MED15: variants seen among roughly 807,000 people sequenced by gnomAD.
The protein encoded by MED15 is mediator of RNA polymerase II transcription subunit 15.
In MED15, 41 loss-of-function variants were observed where a neutral mutation model predicts 118.7. That is an observed-to-expected ratio of 0.35 (90% CI 0.27 to 0.45). The LOEUF is 0.45. Ranked by LOEUF, MED15 falls within the 20% of genes least tolerant of loss-of-function variation. The pLI is 1.00. For missense variants in MED15, 740 were observed against 1,025.5 expected (o/e 0.72, Z 3.80); for synonymous variants, 436 against 413.9 (o/e 1.05, Z -0.65).
chr22:20,528,208 C>T (rs566492602), intron 1 of MED15, among the ~76,000 whole-genome samples: 11 of 152,254 alleles, frequency 7.2e-5, no homozygotes, highest in African/African-American at 2.4e-4. Context: ...GCCTAGGAGT[C>T]TCTTCCAGCA....
intron 1 of MED15, chr22:20,508,241 AC>A: frequency 7.9e-7 from 1 of 1,271,298 alleles, no homozygotes; most frequent in Non-Finnish European, 1.0e-6. Flanking sequence ...TCTGAGGGTG[AC>A]CCCCCGAAGG....
intron 8 of MED15, among the ~76,000 whole-genome samples, chr22:20,570,469 G>T (rs1245722901): frequency 6.8e-6 from 1 of 147,666 alleles, no homozygotes; most frequent in East Asian, 2.0e-4. Context: ...TCGGCTCACT[G>T]CAACTTCTGC....
chr22:20,551,757 C>T, intron 3 of MED15: 1 of 515,984 alleles, frequency 1.9e-6, no homozygotes, highest in Admixed American at 3.4e-5. Context: ...CACTTGCTCA[C>T]TTAATCTCCC....
At position 20,586,520 on chromosome 22, in the gene MED15, G is replaced by A. The variant is rs201837596; in HGVS notation, c.2231-48G>A. On this transcript the variant is annotated intron_variant, in intron 17 of 17. Coordinates refer to ENST00000263205, the MANE Select transcript of MED15 (RefSeq NM_001003891.3). ...GAGCACTGCCGGGTGTGCCAGGAGC[G>A]AGCGCAGCGCCGGCCGCCTTAGGTT... 118 of 1,595,810 alleles carry A rather than the reference G, an allele frequency of 7.4e-5. No individual in the cohort carries two copies. In the East Asian group the frequency reaches 2.0e-3, roughly 28 times the overall value.
At chr22:20,575,889 G>A (rs2056810164) in intron 9 of MED15, among the ~76,000 whole-genome samples, 1 of 152,186 alleles carries the variant, frequency 6.6e-6, no homozygotes, top group African/African-American at 2.4e-5. Context: ...TGCTGCAGTG[G>A]ACAGCACAGA....
intron 5 of MED15, among the ~76,000 whole-genome samples, chr22:20,556,242 A>G (rs1668606044): frequency 6.6e-6 from 1 of 152,124 alleles, no homozygotes; most frequent in Non-Finnish European, 1.5e-5. Context: ...GTCAAAACCA[A>G]GAAATTAATG....
chr22:20,552,261 G>A (rs1421597482), intron 3 of MED15, among the ~76,000 whole-genome samples: 1 of 152,232 alleles, frequency 6.6e-6, no homozygotes, highest in African/African-American at 2.4e-5. Context: ...GTTGGAGCAT[G>A]TGCCTGGCGA....
intron 2 of MED15, among the ~76,000 whole-genome samples, chr22:20,548,208 CT>C (rs1189734611): frequency 6.6e-6 from 1 of 152,096 alleles, no homozygotes; most frequent in Non-Finnish European, 1.5e-5. Context: ...GTTGCCCAGG[CT>C]GGAGTGCAGT....
At chr22:20,584,521 G>A (rs2057077686) in intron 14 of MED15, 96 bp downstream of exon 14, 2 of 1,419,134 alleles carry the variant, frequency 1.4e-6, no homozygotes, top group South Asian at 1.2e-5. Flanking sequence ...GGGCATCTGG[G>A]CGGGGGCCGG....
chr22:20,582,555 T>G (rs2057019045), intron 9 of MED15, 56 bp from the exon 10 acceptor site: 1 of 1,534,912 alleles, frequency 6.5e-7, no homozygotes, highest in African/African-American at 1.4e-5. Flanking sequence ...GCAGGTGGTG[T>G]GGAGGCAGGC....
chr22:20,517,623 C>T (rs1367277152), intron 1 of MED15, among the ~76,000 whole-genome samples: 5 of 152,120 alleles, frequency 3.3e-5, no homozygotes, highest in Non-Finnish European at 1.5e-5. Context: ...AGTCTGAACT[C>T]GTCAGGGCAG....
At chr22:20,541,337 CCAA>C (rs2055301171) in intron 2 of MED15, among the ~76,000 whole-genome samples, 1 of 152,038 alleles carries the variant, frequency 6.6e-6, no homozygotes, top group Non-Finnish European at 1.5e-5. Flanking sequence ...ATACAAATGG[CCAA>C]CAACCATGTG....
intron 8 of MED15, among the ~76,000 whole-genome samples, chr22:20,570,760 T>C (rs1260643091): frequency 2.6e-5 from 3 of 117,198 alleles, no homozygotes; most frequent in Admixed American, 8.5e-5. Flanking sequence ...TTTTTTTTTT[T>C]TTTTTTTTTT....
intron 1 of MED15, among the ~76,000 whole-genome samples, chr22:20,510,694 C>G (rs1317754214): frequency 6.6e-6 from 1 of 152,182 alleles, no homozygotes; most frequent in African/African-American, 2.4e-5. Context: ...TTATGTGTCT[C>G]CCTCCAGCGA....
At chr22:20,511,779 T>C (rs566279746) in intron 1 of MED15, among the ~76,000 whole-genome samples, 69 of 152,210 alleles carry the variant, frequency 4.5e-4, no homozygotes, top group African/African-American at 1.6e-3. Context: ...AGTCCCATCC[T>C]TCTTCCCCCA....
At chr22:20,514,307 A>G (rs532394460) in intron 1 of MED15, among the ~76,000 whole-genome samples, 15 of 152,320 alleles carry the variant, frequency 9.8e-5, no homozygotes, top group East Asian at 9.6e-4. Flanking sequence ...TCTCTGGGCT[A>G]TAGGCTCTCA....
At chr22:20,553,243 T>G in intron 4 of MED15, 69 bp downstream of exon 4, 1 of 1,472,596 alleles carries the variant, frequency 6.8e-7, no homozygotes, top group Non-Finnish European at 9.5e-7. Context: ...AATGACATAG[T>G]GCATGCCTCA....
At chr22:20,514,658 A>G in intron 1 of MED15, among the ~76,000 whole-genome samples, 1 of 152,214 alleles carries the variant, frequency 6.6e-6, no homozygotes. Flanking sequence ...CACCTCTTCT[A>G]GTGAAGCCTC....
At chr22:20,508,899 C>T (rs538444386) in intron 1 of MED15, among the ~76,000 whole-genome samples, 31 of 152,252 alleles carry the variant, frequency 2.0e-4, no homozygotes, top group Admixed American at 1.2e-3. Flanking sequence ...CAGCCCCTTT[C>T]CTGAGGGATG....
Sources: allele counts gnomAD v4.1 joint callset (sites outside exome capture counted in the v4.1 genomes callset), GRCh38; gene constraint gnomAD v4.1.1; transcripts MANE v1.5; gene names NCBI Gene and HGNC (gene_info 2026-07-23, HGNC 2026-07-21).